The following MIR2052HG variants were observed in gnomAD, a reference collection of about 807,000 sequenced individuals.
The protein encoded by MIR2052HG is MIR2052 host gene.
At chr8:74,714,959 C>T (rs896768129) in intron 4 of MIR2052HG, among the ~76,000 whole-genome samples, 2 of 152,170 alleles carry the variant, frequency 1.3e-5, no homozygotes, top group Admixed American at 6.5e-5. Flanking sequence ...GGATTACAGG[C>T]GTGAGCCACA....
At chr8:74,693,645 C>A (rs988321965) in intron 2 of MIR2052HG, among the ~76,000 whole-genome samples, 1 of 151,910 alleles carries the variant, frequency 6.6e-6, no homozygotes, top group Non-Finnish European at 1.5e-5. Flanking sequence ...GGAATGAGAC[C>A]AGCCTTTTGG....
chr8:74,715,638 A>G (rs1002572946), intron 4 of MIR2052HG, among the ~76,000 whole-genome samples: 1 of 152,114 alleles, frequency 6.6e-6, no homozygotes, highest in Non-Finnish European at 1.5e-5. Context: ...AGAAAGAAAG[A>G]CCTGTACTTA....
At chr8:74,679,521 C>CTATTATTATTAT (rs71565406) in intron 2 of MIR2052HG, among the ~76,000 whole-genome samples, 27 of 142,010 alleles carry the variant, frequency 1.9e-4, no homozygotes, top group Non-Finnish European at 3.2e-4. Context: ...GGCTTGTTTA[C>CTATTATTATTAT]TATTATTATT....
At chr8:74,745,563 C>T in intron 4 of MIR2052HG, among the ~76,000 whole-genome samples, 1 of 151,954 alleles carries the variant, frequency 6.6e-6, no homozygotes, top group Non-Finnish European at 1.5e-5. Flanking sequence ...GTAAACATCA[C>T]TGTGGGTTTT....
chr8:74,690,489 C>G (rs929824186), intron 2 of MIR2052HG, among the ~76,000 whole-genome samples: 2 of 151,508 alleles, frequency 1.3e-5, no homozygotes, highest in African/African-American at 4.9e-5. Flanking sequence ...ACTAAAAATA[C>G]AAAAAATTAG....
At chr8:74,671,868 G>GA (rs1426536751) in intron 2 of MIR2052HG, among the ~76,000 whole-genome samples, 4 of 152,050 alleles carry the variant, frequency 2.6e-5, no homozygotes, top group African/African-American at 9.7e-5. Context: ...CCACTAAGAG[G>GA]AGTGCATTTT....
At chr8:74,644,728 A>T (rs541369844) in intron 2 of MIR2052HG, among the ~76,000 whole-genome samples, 9 of 151,926 alleles carry the variant, frequency 5.9e-5, no homozygotes, top group Admixed American at 2.0e-4. Flanking sequence ...CTGTCTCTAC[A>T]ATAAATAAAT....
intron 4 of MIR2052HG, among the ~76,000 whole-genome samples, chr8:74,748,314 T>C (rs1218662950): frequency 6.6e-6 from 1 of 152,188 alleles, no homozygotes; most frequent in Non-Finnish European, 1.5e-5. Context: ...GTGTTCTTGG[T>C]CTAGTAAAAG....
At chr8:74,699,184 A>G (rs1258783533) in intron 2 of MIR2052HG, among the ~76,000 whole-genome samples, 1 of 152,254 alleles carries the variant, frequency 6.6e-6, no homozygotes, top group Admixed American at 6.5e-5. Context: ...TATAGCCGCT[A>G]TGGAAAACAG....
intron 4 of MIR2052HG, among the ~76,000 whole-genome samples, chr8:74,719,825 CCTT>C (rs942496501): frequency 2.7e-5 from 4 of 148,978 alleles, no homozygotes; most frequent in African/African-American, 7.4e-5. Context: ...CTTCAGTGCT[CCTT>C]CTTTTTTTTT....
intron 2 of MIR2052HG, among the ~76,000 whole-genome samples, chr8:74,653,753 G>T (rs1023188793): frequency 1.3e-5 from 2 of 152,092 alleles, no homozygotes; most frequent in Non-Finnish European, 2.9e-5. Flanking sequence ...ACAATGGCAA[G>T]TATAAAATAA....
At chr8:74,602,865 C>CT (rs1554570062) in intron 1 of MIR2052HG, among the ~76,000 whole-genome samples, 11 of 142,742 alleles carry the variant, frequency 7.7e-5, no homozygotes, top group African/African-American at 7.8e-5. Flanking sequence ...TTCTTTCTTT[C>CT]TTTCTTTCTT....
chr8:74,741,186 A>T (rs1003147480), intron 4 of MIR2052HG, among the ~76,000 whole-genome samples: 3 of 152,184 alleles, frequency 2.0e-5, no homozygotes, highest in Admixed American at 6.5e-5. Flanking sequence ...TTTGGAGGCT[A>T]TTTGTATTAT....
At chr8:74,644,006 C>G (rs1267291988) in intron 2 of MIR2052HG, among the ~76,000 whole-genome samples, 1 of 152,112 alleles carries the variant, frequency 6.6e-6, no homozygotes, top group Non-Finnish European at 1.5e-5. Context: ...CTTAACATCC[C>G]CTGAGATGTA....
intron 2 of MIR2052HG, among the ~76,000 whole-genome samples, chr8:74,659,620 A>G (rs566877022): frequency 1.2e-4 from 18 of 152,038 alleles, no homozygotes; most frequent in Admixed American, 2.0e-4. Flanking sequence ...TTTAGAAAGA[A>G]TGTCTCGTAG....
intron 2 of MIR2052HG, among the ~76,000 whole-genome samples, chr8:74,645,362 C>G (rs1808680708): frequency 6.6e-6 from 1 of 151,876 alleles, no homozygotes; most frequent in South Asian, 2.1e-4. Flanking sequence ...CTTGGCTCAC[C>G]ACAACCTCCG....
intron 2 of MIR2052HG, among the ~76,000 whole-genome samples, chr8:74,677,488 C>T (rs920255469): frequency 6.6e-6 from 1 of 152,076 alleles, no homozygotes; most frequent in Non-Finnish European, 1.5e-5. Context: ...CAACATCACA[C>T]TGGTATCACA....
chr8:74,695,113 C>A (rs193195019), intron 2 of MIR2052HG, among the ~76,000 whole-genome samples: 1 of 152,280 alleles, frequency 6.6e-6, no homozygotes, highest in Non-Finnish European at 1.5e-5. Context: ...GACTTCTCAG[C>A]AGAAACCTTA....
At chr8:74,618,189 T>C (rs1366356209) in intron 2 of MIR2052HG, among the ~76,000 whole-genome samples, 2 of 152,262 alleles carry the variant, frequency 1.3e-5, no homozygotes, top group Non-Finnish European at 2.9e-5. Context: ...CAAATGCTTC[T>C]GATCAGCAGG....
Sources: gnomAD v4.1 joint callset for allele counts (sites outside exome capture counted in the v4.1 genomes callset) on GRCh38, gnomAD v4.1.1 for gene constraint, MANE v1.5 for transcripts, NCBI Gene and HGNC (gene_info 2026-07-23, HGNC 2026-07-21) for gene names.